The following CDA variants were observed in gnomAD, a reference collection of about 807,000 sequenced individuals.
The protein encoded by CDA is cytidine aminohydrolase.
Under a neutral mutation model 15.0 loss-of-function variants are expected in CDA, and 7 were observed. The ratio of observed to expected loss-of-function variants is 0.47; its 90% CI spans 0.26 to 0.87. The LOEUF (loss-of-function observed/expected upper bound fraction) is 0.87. Ranked by LOEUF, CDA falls within the 40% of genes least tolerant of loss-of-function variation. The pLI is 0.15. For missense variants in CDA, 159 were observed against 182.7 expected (o/e 0.87, Z 0.75); for synonymous variants, 58 against 73.0 (o/e 0.79, Z 1.05).
At chr1:20,604,903 C>G (rs2052680326) in intron 1 of CDA, 25 bp from the exon 2 acceptor site, 11 of 1,468,366 alleles carry the variant, frequency 7.5e-6, no homozygotes, top group Admixed American at 5.2e-5. Flanking sequence ...GCCAGACATA[C>G]CACTGGACTC....
chr1:20,594,788 C>CAAAA (rs60698295), intron 1 of CDA, among the ~76,000 whole-genome samples: 25 of 121,558 alleles, frequency 2.1e-4, no homozygotes, highest in Admixed American at 3.6e-4. Context: ...GACGCCATCT[C>CAAAA]AAAAAAAAAA....
At chr1:20,614,465 G>C (rs1326466690) in intron 3 of CDA, among the ~76,000 whole-genome samples, 1 of 152,158 alleles carries the variant, frequency 6.6e-6, no homozygotes, top group East Asian at 1.9e-4. Flanking sequence ...ACTTTGCCCT[G>C]ACACAGCAGA....
chr1:20,593,544 G>A (rs528734471), intron 1 of CDA, among the ~76,000 whole-genome samples: 25 of 152,250 alleles, frequency 1.6e-4, no homozygotes, highest in Admixed American at 1.2e-3. Flanking sequence ...CAGGGAACAT[G>A]AGTGCAAGCA....
rs558196211 is a variant in CDA at position 20,617,200 on chromosome 1, C to T, written c.325-1252C>T. 1.5e-4 allele frequency among the ~76,000 whole-genome samples: 23 copies of T among 152,262 alleles called. 1 individual carries two copies. In the South Asian group the frequency reaches 4.8e-3, roughly 32 times the overall value. The stretch of plus-strand genomic sequence containing the variant: ...TGAGCCCCAGAAAGTTATCATTTTC[C>T]CAAGGTCACACAGCAAACAAACAGT... On this transcript the variant is annotated intron_variant, in intron 3 of 3. Transcript: ENST00000375071.
chr1:20,614,651 G>A (rs1316667829), intron 3 of CDA, among the ~76,000 whole-genome samples: 10 of 152,102 alleles, frequency 6.6e-5, no homozygotes, highest in Admixed American at 5.9e-4. Flanking sequence ...ACAGACAAAG[G>A]TCAAAAAAGG....
chr1:20,598,275 C>A (rs964213258), intron 1 of CDA, among the ~76,000 whole-genome samples: 1 of 152,150 alleles, frequency 6.6e-6, no homozygotes, highest in African/African-American at 2.4e-5. Flanking sequence ...AGTATGGATT[C>A]TCTCTCTTTC....
At position 20,613,870 on chromosome 1, in the gene CDA, T is replaced by C. The variant is rs1237522944; in HGVS notation, c.295T>C (p.Cys99Arg). 1 of 1,613,976 alleles carries C rather than the reference T, an allele frequency of 6.2e-7. No homozygotes were observed. The highest frequency in any genetic ancestry group is 1.1e-5 in the South Asian group (1 of 91,076). The change falls in exon 3 of 4, where the codon TGT becomes CGT. Residue 99 changes from cysteine (C) to arginine (R), a missense_variant. Physicochemically the swap from Cys to Arg is radical, Grantham distance 180. Transcript: ENST00000375071. ...CATGCAAGATGATTTTATCTCTCCA[T>C]GTGGGGCCTGCAGGCAAGTCATGAG... ...SDMQDDFISPCGACRQVMREF... is the reference protein window; with the variant it reads ...SDMQDDFISPRGACRQVMREF...
intron 1 of CDA, among the ~76,000 whole-genome samples, chr1:20,598,915 T>C (rs991633813): frequency 2.0e-5 from 3 of 152,166 alleles, no homozygotes; most frequent in Non-Finnish European, 4.4e-5. Context: ...AGACAAAATC[T>C]CTGCCCTCAG....
rs1441518840 is a variant in CDA, at chr1:20,605,407, C to T, written c.266+368C>T. ...AGGCGCGGTGGCTCACGCCTGTAAT[C>T]CCAGCACTTTGGGAGGCCAAGATGG... is the stretch of plus-strand genomic sequence containing the variant. On this transcript the variant is annotated intron_variant, in intron 2 of 3. Coordinates refer to ENST00000375071, the MANE Select transcript of CDA (RefSeq NM_001785.3). Among the ~76,000 whole-genome samples, 3 of 151,768 alleles carry T rather than the reference C, an allele frequency of 2.0e-5. 1 individual carries two copies. Among genetic ancestry groups the T allele is most frequent in the South Asian group, 4.2e-4 (2 of 4,766 alleles).
In CDA at chr1:20,618,475, C is replaced by T. The variant is rs1317796542; in HGVS notation, c.348C>T (p.Tyr116=). 6.2e-7 allele frequency: 1 copy of T among 1,612,932 alleles called. No individual in the cohort carries two copies. The highest frequency in any genetic ancestry group is 8.5e-7 in the Non-Finnish European group (1 of 1,179,188). ...AGTTTGGCACCAACTGGCCCGTGTA[C>T]ATGACCAAGCCGGATGGTACGTATA... The part of the protein sequence containing the change: ...MREFGTNWPV[Y]MTKPDGTYIV... The change falls in exon 4 of 4, where the codon TAC becomes TAT. Residue 116 remains tyrosine (Y), a synonymous_variant. Transcript: ENST00000375071.
intron 3 of CDA, among the ~76,000 whole-genome samples, chr1:20,617,712 TGA>T (rs2052828135): frequency 7.5e-6 from 1 of 132,622 alleles, no homozygotes; most frequent in Non-Finnish European, 1.6e-5. Context: ...TTTTTTTTTT[TGA>T]GACCGAGTCT....
At chr1:20,599,912 G>A (rs939631041) in intron 1 of CDA, among the ~76,000 whole-genome samples, 19 of 152,238 alleles carry the variant, frequency 1.2e-4, no homozygotes, top group Non-Finnish European at 4.4e-5. Context: ...TATCATTAGC[G>A]ATTTACAAAT....
intron 1 of CDA, among the ~76,000 whole-genome samples, chr1:20,602,202 A>G (rs1365234126): frequency 3.3e-5 from 5 of 151,994 alleles, no homozygotes; most frequent in Admixed American, 6.6e-5. Flanking sequence ...GATGAAATCA[A>G]TAAGTATACA....
At position 20,594,741 on chromosome 1, in the gene CDA, A is replaced by G. The variant is rs1389466953; in HGVS notation, c.154+5458A>G. Reference sequence around the variant, plus strand: ...GAGGTGGAGGTTGCAGTGAGCCGAGATCACACCACTGCACTCCAGCCTGGG... The same window carrying G: ...GAGGTGGAGGTTGCAGTGAGCCGAGGTCACACCACTGCACTCCAGCCTGGG... On this transcript the variant is annotated intron_variant, in intron 1 of 3. Transcript: ENST00000375071. Among the ~76,000 whole-genome samples the G allele has an allele frequency of 2.0e-5, 3 of 150,352 alleles. No individual in the cohort carries two copies. The East Asian group carries it at 5.9e-4, about 29-fold the overall frequency.
intron 1 of CDA, among the ~76,000 whole-genome samples, chr1:20,596,413 C>T (rs1016827673): frequency 6.6e-6 from 1 of 152,080 alleles, no homozygotes; most frequent in Non-Finnish European, 1.5e-5. Context: ...CAGCCCAGAC[C>T]TATTGAATCA....
chr1:20,612,911 C>T (rs2052766210), intron 2 of CDA, among the ~76,000 whole-genome samples: 1 of 139,440 alleles, frequency 7.2e-6, no homozygotes, highest in Non-Finnish European at 1.5e-5. Context: ...CCACTGCACT[C>T]CAGCCTGGGT....
At chr1:20,600,153 C>T (rs927992154) in intron 1 of CDA, among the ~76,000 whole-genome samples, 5 of 152,230 alleles carry the variant, frequency 3.3e-5, no homozygotes, top group African/African-American at 1.2e-4. Flanking sequence ...TGAGGCCTTT[C>T]TGAACTTCCA....
At chr1:20,597,164 T>A (rs897002668) in intron 1 of CDA, among the ~76,000 whole-genome samples, 3 of 151,648 alleles carry the variant, frequency 2.0e-5, no homozygotes, top group African/African-American at 7.3e-5. Flanking sequence ...ATAAGAAGAG[T>A]CTGGCCGGGC....
intron 1 of CDA, among the ~76,000 whole-genome samples, chr1:20,596,689 CATT>C (rs1557546183): frequency 6.6e-6 from 1 of 151,230 alleles, no homozygotes; most frequent in Admixed American, 6.6e-5. Flanking sequence ...TGCTTTCTGG[CATT>C]ATTCTTTTCT....
Sources: gnomAD v4.1 joint callset for allele counts (sites outside exome capture counted in the v4.1 genomes callset) on GRCh38, gnomAD v4.1.1 for gene constraint, MANE v1.5 for transcripts, NCBI Gene and HGNC (gene_info 2026-07-23, HGNC 2026-07-21) for gene names.